ACSL1: variants seen among roughly 807,000 people sequenced by gnomAD.
ACSL1 encodes long-chain-fatty-acid--CoA ligase 1.
A neutral mutation model predicts 98.4 loss-of-function variants in ACSL1; 41 were observed. The observed-to-expected ratio is 0.42, with a 90% CI of 0.32 to 0.54. The LOEUF (loss-of-function observed/expected upper bound fraction) is 0.54, where lower values mean the gene tolerates loss of function less well. Ranked by LOEUF, ACSL1 falls within the 20% of genes least tolerant of loss-of-function variation. The pLI is 0.13. For synonymous variants in ACSL1, 316 were observed against 322.7 expected, an observed-to-expected ratio of 0.98 and a Z score of 0.22; for missense variants, 734 against 883.1, an observed-to-expected ratio of 0.83 and a Z score of 2.14.
intron 3 of ACSL1, among the ~76,000 whole-genome samples, chr4:184,785,600 CGGGGGCG>C (rs1470726231): frequency 2.6e-4 from 5 of 19,190 alleles, no homozygotes; most frequent in Non-Finnish European, 1.1e-3. Flanking sequence ...TCCTCCTGGG[CGGGGGCG>C]GGGGGGGGGG....
At chr4:184,808,268 G>A in intron 1 of ACSL1, 1 of 968,594 alleles carries the variant, frequency 1.0e-6, no homozygotes, top group Non-Finnish European at 1.2e-6. Flanking sequence ...CACTGCCCCT[G>A]CAACTCTGCA....
intron 1 of ACSL1, among the ~76,000 whole-genome samples, chr4:184,806,853 G>A (rs1771492141): frequency 6.6e-6 from 1 of 152,176 alleles, no homozygotes; most frequent in South Asian, 2.1e-4. Context: ...ATGGCAGCCA[G>A]GTAACAAGCT....
intron 5 of ACSL1, 149 bp downstream of exon 5, chr4:184,780,183 G>A (rs1766001003): frequency 2.9e-6 from 2 of 696,810 alleles, no homozygotes; most frequent in Admixed American, 5.5e-5. Context: ...CCCTGGTTGA[G>A]GTTTTCATAT....
chr4:184,800,090 A>C (rs1770215966), intron 2 of ACSL1, among the ~76,000 whole-genome samples: 1 of 152,214 alleles, frequency 6.6e-6, no homozygotes, highest in South Asian at 2.1e-4. Context: ...TTGTGTATAA[A>C]ATATGAAGAT....
chr4:184,825,885 AGGCGCGGCTCCGCACGGCG>A lies in ACSL1; in HGVS notation c.-33+12_-33+30del, dbSNP rs1773447497. ...GGGGCCCGGGCACCGCCGCGGGAGCAGGCGCGGCTCCGCACGGCGGGCGCACTCACCTCCTCCGTGGACC... is the reference window on the plus strand; with the variant it reads ...GGGGCCCGGGCACCGCCGCGGGAGCAGGCGCACTCACCTCCTCCGTGGACC... On this transcript the variant is annotated intron_variant, in intron 1 of 20. Coordinates refer to ENST00000281455, the MANE Select transcript of ACSL1 (RefSeq NM_001995.5). The surrounding 1 kb of genome is among the most constrained non-coding windows in gnomAD (Gnocchi z 4.7). The A allele has an allele frequency of 6.7e-6, 1 of 148,390 alleles. No homozygotes were observed. Among genetic ancestry groups the A allele is most frequent in the Non-Finnish European group, 1.5e-5 (1 of 66,480 alleles). 9.2% of individuals were successfully genotyped at this position (148,390 alleles called of 1,614,324 possible).
intron 18 of ACSL1, chr4:184,758,289 T>C (rs76768748): frequency 1.5e-5 from 3 of 206,624 alleles, no homozygotes; most frequent in Non-Finnish European, 2.0e-5. Context: ...AAAGGAAGCC[T>C]GTCTCATGCT....
chr4:184,778,432 C>A (rs1051174774), intron 5 of ACSL1, among the ~76,000 whole-genome samples: 5 of 152,166 alleles, frequency 3.3e-5, no homozygotes, highest in African/African-American at 1.2e-4. Context: ...GTCTTTCCTG[C>A]CACTCCACCA....
In ACSL1 at chr4:184,760,479, C is replaced by A. The variant is rs1218371771; in HGVS notation, c.1660G>T (p.Asp554Tyr). ...WLPNGTLKII[D>Y]RKKHIFKLAQ... ...AGCTTAAATATGTGCTTTTTCCGGTCGATAATTTTCAAGGTGCCATTCTGT... is the reference window on the plus strand; with the variant it reads ...AGCTTAAATATGTGCTTTTTCCGGTAGATAATTTTCAAGGTGCCATTCTGT... The change falls in exon 18 of 21, where the codon GAC becomes TAC. Residue 554 changes from aspartate (D) to tyrosine (Y), a missense_variant. Asp to Tyr is a radical substitution (Grantham distance 160). Coordinates refer to ENST00000281455, the MANE Select transcript of ACSL1 (RefSeq NM_001995.5). The A allele has an allele frequency of 6.2e-7, 1 of 1,613,836 alleles. No homozygotes were observed. Among genetic ancestry groups the A allele is most frequent in the Non-Finnish European group, 8.5e-7 (1 of 1,179,950 alleles).
intron 17 of ACSL1, among the ~76,000 whole-genome samples, chr4:184,761,240 A>T (rs191903524): frequency 5.3e-4 from 80 of 152,370 alleles, no homozygotes; most frequent in African/African-American, 1.9e-3. Flanking sequence ...TGAGTGCCAC[A>T]GTAGAATTGG....
chr4:184,820,218 C>T (rs532455038), intron 1 of ACSL1, among the ~76,000 whole-genome samples: 3 of 152,248 alleles, frequency 2.0e-5, no homozygotes, highest in East Asian at 3.9e-4. Context: ...AGGGTTGCAC[C>T]GTGTTAGCCA....
chr4:184,769,070 A>AATATATATATATATAT (rs34360556), intron 11 of ACSL1, among the ~76,000 whole-genome samples: 129 of 147,728 alleles, frequency 8.7e-4, no homozygotes, highest in Middle Eastern at 6.9e-3. Flanking sequence ...CTCTGTCTCA[A>AATATATATATATATAT]ATATATATAT....
At chr4:184,785,157 T>C (rs997583228) in intron 3 of ACSL1, among the ~76,000 whole-genome samples, 8 of 152,222 alleles carry the variant, frequency 5.3e-5, no homozygotes, top group African/African-American at 1.7e-4. Flanking sequence ...ACCAAGACCA[T>C]ATGGCACCAA....
At chr4:184,765,464 C>T (rs1763450096) in intron 14 of ACSL1, among the ~76,000 whole-genome samples, 1 of 152,152 alleles carries the variant, frequency 6.6e-6, no homozygotes, top group Admixed American at 6.5e-5. Context: ...ACATATCTTC[C>T]AAACAAACAT....
chr4:184,773,147 G>A lies in ACSL1; in HGVS notation c.849C>T (p.Pro283=). ...ICFTSGTTGN[P]KGAMVTHRNI... is the part of the protein sequence containing the mutation. Reference sequence around the variant, plus strand: ...TTCGGTGAGTGACCATTGCTCCTTTGGGGTTGCCTGTGGAGCACATATGAA... The same window carrying A: ...TTCGGTGAGTGACCATTGCTCCTTTAGGGTTGCCTGTGGAGCACATATGAA... The change falls in exon 10 of 21, where the codon CCC becomes CCT. Residue 283 remains proline (P), a synonymous_variant. Coordinates refer to ENST00000281455, the MANE Select transcript of ACSL1 (RefSeq NM_001995.5). This position sits in a 1 kb window ranked among gnomAD's most constrained non-coding sequence, Gnocchi z 4.3. 1 of 1,613,572 alleles carries A rather than the reference G, an allele frequency of 6.2e-7. No individual in the cohort carries two copies. The highest frequency in any genetic ancestry group is 8.5e-7 in the Non-Finnish European group (1 of 1,179,548).
At chr4:184,799,836 G>A (rs912741881) in intron 2 of ACSL1, among the ~76,000 whole-genome samples, 1 of 152,108 alleles carries the variant, frequency 6.6e-6, no homozygotes, top group Non-Finnish European at 1.5e-5. Context: ...GCAACAGAGC[G>A]AGACCCTGTC....
At chr4:184,769,501 G>T (rs1330747546) in intron 11 of ACSL1, among the ~76,000 whole-genome samples, 2 of 152,170 alleles carry the variant, frequency 1.3e-5, no homozygotes, top group Non-Finnish European at 1.5e-5. Flanking sequence ...GTTCAGCGTG[G>T]CCTGCCTTCT....
rs748337203 is a variant in ACSL1, at chr4:184,766,797, G to A, written c.1129-41C>T. 2 of 1,588,928 alleles carry A rather than the reference G, an allele frequency of 1.3e-6. No homozygotes were observed. The highest frequency in any genetic ancestry group is 8.6e-7 in the Non-Finnish European group (1 of 1,161,784). ...ATGAGAAAGTTTTCACACCTACTAGGATGGCCAGAGTCAAAGAGTGTGGAG... is the reference window on the plus strand; with the variant it reads ...ATGAGAAAGTTTTCACACCTACTAGAATGGCCAGAGTCAAAGAGTGTGGAG... On this transcript the variant is annotated intron_variant, in intron 12 of 20. Coordinates refer to ENST00000281455, the MANE Select transcript of ACSL1 (RefSeq NM_001995.5). This position sits in a 1 kb window ranked among gnomAD's most constrained non-coding sequence, Gnocchi z 4.8.
intron 2 of ACSL1, among the ~76,000 whole-genome samples, chr4:184,792,623 G>A (rs1356514824): frequency 6.6e-6 from 1 of 152,156 alleles, no homozygotes; most frequent in African/African-American, 2.4e-5. Context: ...ATTATTTGTA[G>A]AGGCAAGGTC....
intron 1 of ACSL1, chr4:184,808,525 A>G: frequency 1.0e-6 from 1 of 985,054 alleles, no homozygotes; most frequent in Non-Finnish European, 1.2e-6. Flanking sequence ...CAAGCTGGCA[A>G]GATGCTGCCA....
Sources: allele counts gnomAD v4.1 joint callset (sites outside exome capture counted in the v4.1 genomes callset), GRCh38; gene constraint gnomAD v4.1.1; non-coding constraint Gnocchi (gnomAD v3.1); transcripts MANE v1.5; gene names NCBI Gene and HGNC (gene_info 2026-07-23, HGNC 2026-07-21).